The following TMEM170B variants were observed in gnomAD, a reference collection of about 807,000 sequenced individuals.
TMEM170B encodes transmembrane protein 170B.
TMEM170B carries 6 observed loss-of-function variants against 13.0 expected under a neutral mutation model. That is an observed-to-expected ratio of 0.46 (90% CI 0.25 to 0.91). The LOEUF (loss-of-function observed/expected upper bound fraction) is 0.91. Ranked by LOEUF, TMEM170B falls within the 40% of genes least tolerant of loss-of-function variation. The pLI, the probability that TMEM170B is intolerant of heterozygous loss-of-function variation, is 0.17. For synonymous variants in TMEM170B, 61 were observed against 64.9 expected (o/e 0.94, Z 0.29); for missense variants, 138 against 165.2 (o/e 0.84, Z 0.90).
At chr6:11,559,571 G>A (rs1347160977) in intron 1 of TMEM170B, among the ~76,000 whole-genome samples, 2 of 152,104 alleles carry the variant, frequency 1.3e-5, no homozygotes, top group Non-Finnish European at 2.9e-5. Context: ...TGTGACTCAT[G>A]GGCTATATTT....
chr6:11,538,726 C>T (rs574888893), intron 1 of TMEM170B, among the ~76,000 whole-genome samples: 1 of 152,244 alleles, frequency 6.6e-6, no homozygotes, highest in Admixed American at 6.5e-5. Flanking sequence ...CTCCCCTCCC[C>T]CTTCTACACA....
intron 2 of TMEM170B, among the ~76,000 whole-genome samples, chr6:11,570,310 G>A (rs991171054): frequency 6.6e-6 from 1 of 152,076 alleles, no homozygotes; most frequent in Non-Finnish European, 1.5e-5. Context: ...TATTGGTGTG[G>A]AGAAATACTA....
At chr6:11,541,688 C>T (rs1015699667) in intron 1 of TMEM170B, among the ~76,000 whole-genome samples, 2 of 152,184 alleles carry the variant, frequency 1.3e-5, no homozygotes, top group East Asian at 3.8e-4. Context: ...CTGTTTGGTA[C>T]GAGAGGCCTA....
At chr6:11,569,086 T>C (rs1050048866) in intron 2 of TMEM170B, among the ~76,000 whole-genome samples, 1 of 152,140 alleles carries the variant, frequency 6.6e-6, no homozygotes, top group African/African-American at 2.4e-5. Context: ...TTATGTTTAT[T>C]ATATATTTAG....
At position 11,575,642 on chromosome 6, in the gene TMEM170B, A is replaced by T; in HGVS notation, c.*81A>T. The T allele has an allele frequency of 4.5e-6, 7 of 1,548,242 alleles. No homozygotes were observed. In the South Asian group the frequency reaches 6.8e-5, roughly 15 times the overall value. On this transcript the variant is annotated 3_prime_UTR_variant, in exon 3 of 3. Coordinates refer to ENST00000379426, the MANE Select transcript of TMEM170B (RefSeq NM_001100829.3). The surrounding 1 kb of genome is among the most constrained non-coding windows in gnomAD (Gnocchi z 4.1). ...AAAACGGCATTGTTAACAAGTGGAA[A>T]TGAAATTGTGCAAGAATGTGGACTG...
chr6:11,572,771 T>TTCATTCATACATA (rs1372098761), intron 2 of TMEM170B, among the ~76,000 whole-genome samples: 23 of 152,260 alleles, frequency 1.5e-4, no homozygotes, highest in African/African-American at 5.3e-4. Flanking sequence ...ATGCATTACA[T>TTCATTCATACATA]TCATTCATAC....
At chr6:11,565,058 T>C (rs1759716990) in intron 1 of TMEM170B, among the ~76,000 whole-genome samples, 2 of 152,180 alleles carry the variant, frequency 1.3e-5, no homozygotes, top group Admixed American at 1.3e-4. Context: ...GAGATGTCAG[T>C]GAACAGTCGA....
Position 11,538,246 on chromosome 6 carries a change from G to A in TMEM170B, c.-32G>A. The A allele has an allele frequency of 2.4e-6, 3 of 1,250,374 alleles. No individual in the cohort carries two copies. Among genetic ancestry groups the A allele is most frequent in the Non-Finnish European group, 2.0e-6 (2 of 985,974 alleles). The allele number at this position is 1,250,374 out of a possible 1,614,324, so 77.5% of individuals were successfully genotyped here. A position where few individuals can be genotyped will look rare whatever the true frequency, so the allele number is the denominator to read the frequency against. ...CAGCCGCCGCCGCCGCCCGGCACCC[G>A]AGGAGAGGGCGGCGGGCGCCCCTCG... On this transcript the variant is annotated 5_prime_UTR_variant, in exon 1 of 3. Coordinates refer to ENST00000379426, the MANE Select transcript of TMEM170B (RefSeq NM_001100829.3).
At chr6:11,544,012 A>C (rs1170848543) in intron 1 of TMEM170B, among the ~76,000 whole-genome samples, 1 of 152,202 alleles carries the variant, frequency 6.6e-6, no homozygotes, top group Non-Finnish European at 1.5e-5. Context: ...GAACGACTTA[A>C]TTTTAGAAAT....
intron 2 of TMEM170B, among the ~76,000 whole-genome samples, chr6:11,570,322 T>C (rs1314193826): frequency 6.6e-6 from 1 of 152,154 alleles, no homozygotes; most frequent in Non-Finnish European, 1.5e-5. Context: ...GAAATACTAT[T>C]AAGCTTTGTA....
chr6:11,538,601 C>G (rs935680655), intron 1 of TMEM170B, among the ~76,000 whole-genome samples: 3 of 152,124 alleles, frequency 2.0e-5, no homozygotes, highest in African/African-American at 7.2e-5. Context: ...ATCAGCGACC[C>G]CCGCTCCTGC....
chr6:11,553,104 A>G (rs529802515), intron 1 of TMEM170B, among the ~76,000 whole-genome samples: 3 of 152,266 alleles, frequency 2.0e-5, no homozygotes, highest in African/African-American at 7.2e-5. Flanking sequence ...CTCAAAGTAT[A>G]TATGGGGGAT....
At chr6:11,540,343 T>TTG (rs1204771866) in intron 1 of TMEM170B, among the ~76,000 whole-genome samples, 3 of 152,242 alleles carry the variant, frequency 2.0e-5, no homozygotes, top group African/African-American at 7.2e-5. Flanking sequence ...TGCGGCTTTA[T>TTG]CAACCGAGTT....
intron 1 of TMEM170B, among the ~76,000 whole-genome samples, chr6:11,545,663 C>T (rs555711877): frequency 6.6e-6 from 1 of 151,792 alleles, no homozygotes; most frequent in South Asian, 2.1e-4. Flanking sequence ...TACTTGATAA[C>T]AACTGTGTTA....
chr6:11,553,135 A>G (rs1206503031), intron 1 of TMEM170B, among the ~76,000 whole-genome samples: 3 of 152,130 alleles, frequency 2.0e-5, no homozygotes, highest in South Asian at 2.1e-4. Flanking sequence ...ACCGCTGCAT[A>G]TACCAAAATC....
At chr6:11,555,568 A>G (rs1759576696) in intron 1 of TMEM170B, among the ~76,000 whole-genome samples, 1 of 152,196 alleles carries the variant, frequency 6.6e-6, no homozygotes, top group African/African-American at 2.4e-5. Flanking sequence ...CATATATGTT[A>G]AACCATTTGA....
At chr6:11,566,813 G>T (rs182913133) in intron 2 of TMEM170B, among the ~76,000 whole-genome samples, 1 of 152,206 alleles carries the variant, frequency 6.6e-6, no homozygotes. Flanking sequence ...TTACACTTGG[G>T]AGGCGAGCAT....
chr6:11,538,041 G>A lies in TMEM170B; in HGVS notation c.-237G>A, dbSNP rs535747980. ...CCCGGCCCCCTCCCCTCCTTCCTCC[G>A]TCCGCCGTCCTCAATGTCTCCCCGG... On this transcript the variant is annotated 5_prime_UTR_variant, in exon 1 of 3. Coordinates refer to ENST00000379426, the MANE Select transcript of TMEM170B (RefSeq NM_001100829.3). Among the ~76,000 whole-genome samples, 111 of 151,170 alleles carry A rather than the reference G, an allele frequency of 7.3e-4. 1 individual carries two copies. Among genetic ancestry groups the A allele is most frequent in the African/African-American group, 2.7e-3 (110 of 41,328 alleles).
At position 11,582,675 on chromosome 6, in the gene TMEM170B, G is replaced by A. The variant is rs949783968; in HGVS notation, c.*7114G>A. On this transcript the variant is annotated 3_prime_UTR_variant, in exon 3 of 3. Coordinates refer to ENST00000379426, the MANE Select transcript of TMEM170B (RefSeq NM_001100829.3). ...TGTTAGTTTTATACTGTAGTACAGGGCACACACTTTAACCTTTAGAAATAT... is the reference window on the plus strand; with the variant it reads ...TGTTAGTTTTATACTGTAGTACAGGACACACACTTTAACCTTTAGAAATAT... 6.6e-6 allele frequency: 1 copy of A among 152,104 alleles called. No homozygotes were observed. Among genetic ancestry groups the A allele is most frequent in the African/African-American group, 2.4e-5 (1 of 41,422 alleles). 9.4% of individuals were successfully genotyped at this position (152,104 alleles called of 1,614,324 possible).
Sources: allele counts gnomAD v4.1 joint callset (sites outside exome capture counted in the v4.1 genomes callset), GRCh38; gene constraint gnomAD v4.1.1; non-coding constraint Gnocchi (gnomAD v3.1); transcripts MANE v1.5; gene names NCBI Gene and HGNC (gene_info 2026-07-23, HGNC 2026-07-21).